NF1: variants seen among roughly 807,000 people sequenced by gnomAD.
The protein encoded by NF1 is neurofibromin.
A neutral mutation model predicts 325.7 loss-of-function variants in NF1; 122 were observed. The ratio of observed to expected loss-of-function variants is 0.37; its 90% confidence interval spans 0.32 to 0.44. The LOEUF (loss-of-function observed/expected upper bound fraction) is 0.44, where lower values mean the gene tolerates loss of function less well. Ranked by LOEUF, NF1 falls within the 20% of genes least tolerant of loss-of-function variation. The pLI is 1.00. For synonymous variants in NF1, 1,091 were observed against 1,186.0 expected (o/e 0.92, Z 1.65); for missense variants, 2,140 against 3,415.4 (o/e 0.63, Z 9.31).
intron 30 of NF1, chr17:31,249,855 C>T: frequency 4.7e-6 from 2 of 423,270 alleles, no homozygotes; most frequent in Admixed American, 2.9e-5. Flanking sequence ...AACTGTGATT[C>T]TGGAAGAAAC....
At chr17:31,255,572 T>C (rs1259945261) in intron 31 of NF1, among the ~76,000 whole-genome samples, 1 of 152,180 alleles carries the variant, frequency 6.6e-6, no homozygotes, top group Admixed American at 6.5e-5. Context: ...TATGTGTTCC[T>C]GAGGTGTCGA....
At chr17:31,111,591 A>T (rs1301589599) in intron 1 of NF1, among the ~76,000 whole-genome samples, 1 of 152,190 alleles carries the variant, frequency 6.6e-6, no homozygotes, top group African/African-American at 2.4e-5. Context: ...GAAACTGGGA[A>T]ATAACAGACA....
At chr17:31,284,324 C>G (rs1252787219) in intron 36 of NF1, among the ~76,000 whole-genome samples, 1 of 151,864 alleles carries the variant, frequency 6.6e-6, no homozygotes, top group African/African-American at 2.4e-5. Context: ...ACTATGTCAC[C>G]CAGCCTGGAG....
intron 4 of NF1, among the ~76,000 whole-genome samples, chr17:31,169,278 A>G (rs918075846): frequency 6.6e-6 from 1 of 152,114 alleles, no homozygotes; most frequent in Non-Finnish European, 1.5e-5. Flanking sequence ...TCTTGCCCCC[A>G]TCCTGGAATT....
At chr17:31,139,375 G>GACACACACAC (rs58863782) in intron 1 of NF1, among the ~76,000 whole-genome samples, 255 of 144,166 alleles carry the variant, frequency 1.8e-3, no homozygotes, top group African/African-American at 4.9e-3. Context: ...GTTTTACACA[G>GACACACACAC]ACACACACAC....
Position 31,338,811 on chromosome 17 carries a change from T to G in NF1, c.6921+6T>G, listed in dbSNP as rs368541645. On this transcript the variant is annotated splice_donor_region_variant and intron_variant, in intron 46 of 57. Coordinates refer to ENST00000358273, the MANE Select transcript of NF1 (RefSeq NM_001042492.3). ...TACAGCCACTTCTTAATAAGGTAAT[T>G]ACTGTATAGAAAATGAGTGCATTCA... 2 of 1,571,266 alleles carry G rather than the reference T, an allele frequency of 1.3e-6. No individual in the cohort carries two copies. The highest frequency in any genetic ancestry group is 1.8e-6 in the Non-Finnish European group (2 of 1,141,092).
At position 31,163,345 on chromosome 17, in the gene NF1, T is replaced by C. The variant is rs2143673399; in HGVS notation, c.448T>C (p.Phe150Leu). Reference protein sequence around the residue: ...GVLFSLSCNNFNAVFSRISTR... With the variant: ...GVLFSLSCNNLNAVFSRISTR... ...TTTATTTTCTCTCAGCTGCAACAACTTCAATGCAGTCTTTAGTCGCATTTC... is the reference window on the plus strand; with the variant it reads ...TTTATTTTCTCTCAGCTGCAACAACCTCAATGCAGTCTTTAGTCGCATTTC... Residue 150 changes from phenylalanine (F) to leucine (L), a missense_variant, in exon 4 of 58, where the codon TTC (phenylalanine) becomes CTC (leucine). By Grantham distance (22) the Phe-to-Leu change is conservative (BLOSUM62 0). Transcript: ENST00000358273. The C allele has an allele frequency of 6.2e-7, 1 of 1,614,166 alleles. No homozygotes were observed. The highest frequency in any genetic ancestry group is 8.5e-7 in the Non-Finnish European group (1 of 1,180,020).
chr17:31,130,054 C>G (rs1259098928), intron 1 of NF1, among the ~76,000 whole-genome samples: 1 of 148,882 alleles, frequency 6.7e-6, no homozygotes, highest in Non-Finnish European at 1.5e-5. Context: ...GCTGATGTTC[C>G]TTCAGTCTTT....
chr17:31,146,693 G>A (rs183364026), intron 1 of NF1, among the ~76,000 whole-genome samples: 1 of 152,354 alleles, frequency 6.6e-6, no homozygotes, highest in Non-Finnish European at 1.5e-5. Flanking sequence ...GGCAAATGCA[G>A]TGCAGGCCCA....
At chr17:31,372,199 G>C (rs2070655365) in intron 57 of NF1, among the ~76,000 whole-genome samples, 1 of 152,032 alleles carries the variant, frequency 6.6e-6, no homozygotes, top group Non-Finnish European at 1.5e-5. Flanking sequence ...ATATTTTTTA[G>C]TCCTTTGGCT....
chr17:31,117,869 A>G (rs1914091222), intron 1 of NF1, among the ~76,000 whole-genome samples: 1 of 152,112 alleles, frequency 6.6e-6, no homozygotes, highest in African/African-American at 2.4e-5. Flanking sequence ...TAACCAAATC[A>G]TGATATGTAT....
chr17:31,142,792 G>A (rs931630411), intron 1 of NF1, among the ~76,000 whole-genome samples: 53 of 152,018 alleles, frequency 3.5e-4, no homozygotes, highest in South Asian at 1.9e-3. Context: ...GCATGAACCC[G>A]GGAGGCGGAG....
rs1555610499 is a variant in NF1 at position 31,197,051 on chromosome 17, C to CA, written c.889-3371_889-3370insA. 3.9e-3 allele frequency among the ~76,000 whole-genome samples: 564 copies of CA among 144,204 alleles called. 6 individuals are homozygous for CA. Among genetic ancestry groups the CA allele is most frequent in the African/African-American group, 0.013 (536 of 39,716 alleles). 94.6% of individuals were successfully genotyped at this position (144,204 alleles called of 152,430 possible). The stretch of plus-strand genomic sequence containing the variant: ...ATATGAATTTTAGGATGGGTTTTTC[C>CA]TTTTTTTTTTTGAGATGGAGTCTCG... On this transcript the variant is annotated intron_variant, in intron 8 of 57. Transcript: ENST00000358273.
chr17:31,248,389 G>C (rs1220191431), intron 29 of NF1, among the ~76,000 whole-genome samples: 1 of 152,106 alleles, frequency 6.6e-6, no homozygotes, highest in Non-Finnish European at 1.5e-5. Context: ...CAGAGATCAT[G>C]TTTCTAACAT....
At chr17:31,360,423 T>A in intron 56 of NF1, 64 bp from the exon 57 acceptor site, 1 of 1,333,654 alleles carries the variant, frequency 7.5e-7, no homozygotes, top group Non-Finnish European at 1.1e-6. Flanking sequence ...TTAATATTTT[T>A]GGCTTCAGAT....
intron 36 of NF1, among the ~76,000 whole-genome samples, chr17:31,291,532 A>G (rs1597786546): frequency 6.6e-6 from 1 of 152,312 alleles, no homozygotes; most frequent in East Asian, 1.9e-4. Context: ...TTTAATAGAA[A>G]TATGTTATTC....
chr17:31,296,651 A>C (rs2068472674), intron 36 of NF1: 1 of 317,432 alleles, frequency 3.2e-6, no homozygotes, highest in Admixed American at 4.4e-5. Flanking sequence ...TAATATGATA[A>C]AATAGCATTC....
chr17:31,104,313 C>A (rs550044904), intron 1 of NF1, among the ~76,000 whole-genome samples: 16 of 152,182 alleles, frequency 1.1e-4, no homozygotes, highest in South Asian at 4.2e-4. Context: ...AATGTGTTTT[C>A]CACTTGTGTT....
chr17:31,253,777 G>T (rs2067532580), intron 31 of NF1: 1 of 152,116 alleles, frequency 6.6e-6, no homozygotes, highest in Non-Finnish European at 1.5e-5. Context: ...AATATAATAT[G>T]CATTCATTTT....
Sources: allele counts gnomAD v4.1 joint callset (sites outside exome capture counted in the v4.1 genomes callset), GRCh38; gene constraint gnomAD v4.1.1; transcripts MANE v1.5; gene names NCBI Gene and HGNC (gene_info 2026-07-23, HGNC 2026-07-21).